Variants in LRP1B observed in about 807,000 individuals in gnomAD.
The protein encoded by LRP1B is LDL receptor related protein 1B.
LRP1B carries 217 observed loss-of-function variants against 556.6 expected under a neutral mutation model. That is an observed-to-expected ratio of 0.39 (90% CI 0.35 to 0.44). The LOEUF (loss-of-function observed/expected upper bound fraction) is 0.44, where lower values mean the gene tolerates loss of function less well. Among genes scored for constraint, LRP1B ranks in the 20% least tolerant of loss-of-function variants. The pLI is 1.00. For missense variants in LRP1B, 5,053 were observed against 5,620.8 expected (o/e 0.90, Z 3.23); for synonymous variants, 2,047 against 1,865.8 (o/e 1.10, Z -2.50).
At chr2:141,293,979 T>C (rs1371121514) in intron 3 of LRP1B, among the ~76,000 whole-genome samples, 3 of 152,158 alleles carry the variant, frequency 2.0e-5, no homozygotes, top group Non-Finnish European at 4.4e-5. Flanking sequence ...ATTACAGTCC[T>C]GATTTCAAAT....
In LRP1B at chr2:141,953,368, A is replaced by G. The variant is rs114084914; in HGVS notation, c.83-142967T>C. ...TTCAACACGTTGATTTGAAATGAGT[A>G]TCAGTTTCTTCTAAGTCCAAGTATA... is the stretch of plus-strand genomic sequence containing the variant. On this transcript the variant is annotated intron_variant, in intron 1 of 90. Coordinates refer to ENST00000389484, the MANE Select transcript of LRP1B (RefSeq NM_018557.3). Among the ~76,000 whole-genome samples, 939 of 152,248 alleles carry G rather than the reference A, an allele frequency of 6.2e-3. 12 individuals are homozygous for G. The highest frequency in any genetic ancestry group is 0.022 in the African/African-American group (906 of 41,576).
chr2:141,259,142 T>C (rs781345190), intron 3 of LRP1B, among the ~76,000 whole-genome samples: 1 of 152,226 alleles, frequency 6.6e-6, no homozygotes, highest in Non-Finnish European at 1.5e-5. Flanking sequence ...AAAAAATAGA[T>C]ATCTTTGTAT....
At chr2:141,080,911 C>T (rs914835583) in intron 7 of LRP1B, among the ~76,000 whole-genome samples, 5 of 152,212 alleles carry the variant, frequency 3.3e-5, no homozygotes, top group Non-Finnish European at 5.9e-5. Context: ...GCTTCCCTTT[C>T]TCCAGCATAC....
intron 2 of LRP1B, among the ~76,000 whole-genome samples, chr2:141,529,969 A>G (rs1684816952): frequency 1.3e-5 from 2 of 152,160 alleles, no homozygotes; most frequent in African/African-American, 2.4e-5. Context: ...TTCTGTGAAA[A>G]ATAATGATAT....
chr2:140,667,405 A>C (rs1685317194), intron 41 of LRP1B, among the ~76,000 whole-genome samples: 1 of 152,228 alleles, frequency 6.6e-6, no homozygotes, highest in Non-Finnish European at 1.5e-5. Context: ...CAGTTGATAC[A>C]TGAGTGCACA....
intron 3 of LRP1B, among the ~76,000 whole-genome samples, chr2:141,290,174 T>C (rs1449275547): frequency 6.6e-6 from 1 of 152,124 alleles, no homozygotes; most frequent in Admixed American, 6.5e-5. Context: ...AACACCCTTT[T>C]ATGGAAAATC....
intron 1 of LRP1B, among the ~76,000 whole-genome samples, chr2:142,007,450 A>G (rs1702836164): frequency 2.6e-5 from 4 of 152,210 alleles, no homozygotes; most frequent in Non-Finnish European, 4.4e-5. Context: ...CATAGAGAAA[A>G]GGGCTTCCTT....
chr2:140,629,565 T>A (rs543431367), intron 41 of LRP1B, among the ~76,000 whole-genome samples: 4 of 152,342 alleles, frequency 2.6e-5, no homozygotes, highest in African/African-American at 9.6e-5. Flanking sequence ...AAAAATGTGA[T>A]AACTAAATTA....
At chr2:140,751,084 C>T (rs1348140685) in intron 35 of LRP1B, among the ~76,000 whole-genome samples, 1 of 148,976 alleles carries the variant, frequency 6.7e-6, no homozygotes, top group African/African-American at 2.5e-5. Flanking sequence ...CTTCCACCTC[C>T]TGGGTTCAAG....
intron 15 of LRP1B, among the ~76,000 whole-genome samples, chr2:141,002,392 T>C (rs1269594447): frequency 6.6e-6 from 1 of 152,028 alleles, no homozygotes; most frequent in Non-Finnish European, 1.5e-5. Context: ...ACAGGAGGCA[T>C]ATTTGGAGCT....
intron 35 of LRP1B, among the ~76,000 whole-genome samples, chr2:140,765,602 CT>C (rs1291165203): frequency 6.6e-6 from 1 of 152,034 alleles, no homozygotes; most frequent in Admixed American, 6.6e-5. Flanking sequence ...GATAAAAATT[CT>C]TTGAACATTT....
intron 46 of LRP1B, among the ~76,000 whole-genome samples, chr2:140,536,036 C>A (rs1049758751): frequency 2.6e-5 from 4 of 152,032 alleles, no homozygotes; most frequent in Admixed American, 2.6e-4. Context: ...GTAAGCCTGT[C>A]CATATCCAAA....
At chr2:141,360,050 T>G (rs1192203680) in intron 3 of LRP1B, among the ~76,000 whole-genome samples, 1 of 152,120 alleles carries the variant, frequency 6.6e-6, no homozygotes, top group East Asian at 1.9e-4. Context: ...ATAATTTGAC[T>G]TTGGGTAATG....
intron 35 of LRP1B, among the ~76,000 whole-genome samples, chr2:140,755,507 T>C (rs1188860904): frequency 6.6e-6 from 1 of 151,984 alleles, no homozygotes; most frequent in Non-Finnish European, 1.5e-5. Context: ...CAAAGCTAGT[T>C]AACTTAAACA....
intron 35 of LRP1B, among the ~76,000 whole-genome samples, chr2:140,758,864 T>C (rs889269544): frequency 2.6e-5 from 4 of 152,094 alleles, no homozygotes; most frequent in Non-Finnish European, 5.9e-5. Flanking sequence ...TTATTCTCTA[T>C]TAATGAGAAT....
At chr2:140,524,858 G>A (rs575011365) in intron 49 of LRP1B, among the ~76,000 whole-genome samples, 2 of 151,870 alleles carry the variant, frequency 1.3e-5, no homozygotes, top group Admixed American at 6.6e-5. Context: ...CACTAAATGC[G>A]TGACAGGATC....
intron 5 of LRP1B, among the ~76,000 whole-genome samples, chr2:141,244,267 T>G (rs1270364290): frequency 1.3e-5 from 2 of 152,216 alleles, no homozygotes; most frequent in Non-Finnish European, 2.9e-5. Context: ...TGCATCACTT[T>G]GGCTTGATAT....
intron 2 of LRP1B, among the ~76,000 whole-genome samples, chr2:141,534,341 C>T (rs1050677494): frequency 6.6e-6 from 1 of 152,134 alleles, no homozygotes; most frequent in African/African-American, 2.4e-5. Flanking sequence ...TGTAGGTTCC[C>T]ATTTCCATTG....
intron 21 of LRP1B, among the ~76,000 whole-genome samples, chr2:140,914,640 A>G (rs748692998): frequency 6.6e-6 from 1 of 152,162 alleles, no homozygotes; most frequent in Non-Finnish European, 1.5e-5. Context: ...AAGAATATCT[A>G]CAATGCTGGA....
Sources: allele counts gnomAD v4.1 joint callset (sites outside exome capture counted in the v4.1 genomes callset), GRCh38; gene constraint gnomAD v4.1.1; transcripts MANE v1.5; gene names NCBI Gene and HGNC (gene_info 2026-07-23, HGNC 2026-07-21).